The following MPDZ variants were observed in gnomAD, a reference collection of about 807,000 sequenced individuals.
MPDZ encodes multiple PDZ domain crumbs cell polarity complex component.
In MPDZ, 234 loss-of-function variants were observed where a neutral mutation model predicts 239.1. That is an observed-to-expected ratio of 0.98 (90% CI 0.88 to 1.09). The LOEUF (loss-of-function observed/expected upper bound fraction) is 1.09, where lower values mean the gene tolerates loss of function less well. MPDZ is among the 50% of genes least tolerant of loss of function. The pLI is 0.00. For missense variants in MPDZ, 3,175 were observed against 2,510.0 expected (o/e 1.26, Z -5.66); for synonymous variants, 1,048 against 881.3 (o/e 1.19, Z -3.35).
At position 13,222,316 on chromosome 9, in the gene MPDZ, T is replaced by C. The variant is rs768409711; in HGVS notation, c.664A>G (p.Arg222Gly). ...CTGACAAGCTGAGGCAATGAGCCTCTGGCAATAACTAGCTGGACAGTATCT... is the reference window on the plus strand; with the variant it reads ...CTGACAAGCTGAGGCAATGAGCCTCCGGCAATAACTAGCTGGACAGTATCT... ...AKDTVQLVIA[R>G]GSLPQLVSPI... Residue 222 changes from arginine (R) to glycine (G), a missense_variant, in exon 6 of 47, where the codon AGA becomes GGA. Transcript: ENST00000319217. 10 of 1,612,936 alleles carry C rather than the reference T, an allele frequency of 6.2e-6. No homozygotes were observed. The highest frequency in any genetic ancestry group is 1.7e-5 in the Admixed American group (1 of 59,854).
intron 34 of MPDZ, among the ~76,000 whole-genome samples, chr9:13,125,693 T>C (rs944619550): frequency 1.3e-5 from 2 of 152,212 alleles, no homozygotes; most frequent in African/African-American, 2.4e-5. Flanking sequence ...TCCGTTTTTC[T>C]GAATGCCTAC....
chr9:13,189,242 T>C (rs758065870), intron 16 of MPDZ, among the ~76,000 whole-genome samples: 3 of 152,146 alleles, frequency 2.0e-5, no homozygotes, highest in Non-Finnish European at 4.4e-5. Flanking sequence ...ACCTCTTAAA[T>C]TGTACAGATA....
At position 13,176,140 on chromosome 9, in the gene MPDZ, C is replaced by G. The variant is rs769593759; in HGVS notation, c.2927G>C (p.Gly976Ala). The G allele has an allele frequency of 4.2e-5, 66 of 1,587,876 alleles. 1 individual carries two copies. The highest frequency in any genetic ancestry group is 5.3e-5 in the Non-Finnish European group (62 of 1,165,626). The change falls in exon 20 of 47, where the codon GGA becomes GCA. Residue 976 changes from glycine to alanine, a missense_variant. Gly to Ala is a moderately conservative substitution (Grantham distance 60, BLOSUM62 0). Transcript: ENST00000319217. ...ACCATATCTTTAAAATATTACCTTTCCAGCTGAATCGGGTAGCACAGAAGG... is the reference window on the plus strand; with the variant it reads ...ACCATATCTTTAAAATATTACCTTTGCAGCTGAATCGGGTAGCACAGAAGG... The part of the protein sequence containing the change: ...ELPSVLPDSA[G>A]KGSEYLLEQS...
At chr9:13,195,032 A>C (rs1564003965) in intron 13 of MPDZ, among the ~76,000 whole-genome samples, 2 of 152,184 alleles carry the variant, frequency 1.3e-5, no homozygotes, top group Non-Finnish European at 2.9e-5. Flanking sequence ...GCATGCCTGT[A>C]ATCCCAGCAA....
At chr9:13,154,879 G>A (rs1421214962) in intron 24 of MPDZ, among the ~76,000 whole-genome samples, 1 of 152,110 alleles carries the variant, frequency 6.6e-6, no homozygotes, top group Non-Finnish European at 1.5e-5. Context: ...GTGGTAACAA[G>A]AATGTGGGGA....
Position 13,125,299 on chromosome 9 carries a change from C to A in MPDZ, c.4724G>T (p.Gly1575Val). 8.1e-6 allele frequency: 13 copies of A among 1,613,786 alleles called. No individual in the cohort carries two copies. Among genetic ancestry groups the A allele is most frequent in the Non-Finnish European group, 1.1e-5 (13 of 1,179,718 alleles). ...PDSQAVPSAA[G>V]AASGEKKNSS... ...GTTCTTTTTTTCTCCACTGGCTGCA[C>A]CAGCTGCTGAAGGAACAGCCTGGGA... Residue 1575 changes from glycine to valine, a missense_variant, in exon 35 of 47, where the codon GGT becomes GTT. Physicochemically the swap from Gly to Val is moderately radical, Grantham distance 109. Coordinates refer to ENST00000319217, the MANE Select transcript of MPDZ (RefSeq NM_001378778.1).
chr9:13,202,675 G>C (rs1182165316), intron 12 of MPDZ, among the ~76,000 whole-genome samples: 1 of 152,196 alleles, frequency 6.6e-6, no homozygotes, highest in Non-Finnish European at 1.5e-5. Flanking sequence ...CCAGTGGAGA[G>C]AATGAATGTC....
intron 1 of MPDZ, among the ~76,000 whole-genome samples, chr9:13,250,715 G>A (rs182600024): frequency 1.3e-5 from 2 of 151,934 alleles, no homozygotes; most frequent in East Asian, 3.9e-4. Flanking sequence ...CACAGAATAA[G>A]GAGCTTACTT....
intron 3 of MPDZ, among the ~76,000 whole-genome samples, chr9:13,236,267 A>ATATATATATATATAT (rs1963997255): frequency 5.0e-5 from 1 of 20,094 alleles, no homozygotes; most frequent in African/African-American, 1.8e-4. Context: ...ATATATATAT[A>ATATATATATATATAT]TTTTTTTTTT....
At position 13,183,529 on chromosome 9, in the gene MPDZ, A is replaced by C; in HGVS notation, c.2538T>G (p.Ser846=). 6.2e-7 allele frequency: 1 copy of C among 1,612,650 alleles called. No homozygotes were observed. Among genetic ancestry groups the C allele is most frequent in the Non-Finnish European group, 8.5e-7 (1 of 1,179,114 alleles). Residue 846 remains serine (S), a synonymous_variant, in exon 19 of 47, where the codon TCT becomes TCG. Coordinates refer to ENST00000319217, the MANE Select transcript of MPDZ (RefSeq NM_001378778.1). Reference sequence around the variant, plus strand: ...TAGAGTAGATGCTGTCATTTTCAGGAGAGTATGGAGACTCAAATGTGGATT... The same window carrying C: ...TAGAGTAGATGCTGTCATTTTCAGGCGAGTATGGAGACTCAAATGTGGATT... The part of the protein sequence containing the change: ...VDESTFESPY[S]PENDSIYSTQ...
At chr9:13,236,438 C>T (rs942548435) in intron 3 of MPDZ, among the ~76,000 whole-genome samples, 3 of 149,942 alleles carry the variant, frequency 2.0e-5, no homozygotes, top group African/African-American at 7.4e-5. Flanking sequence ...ATGTACCACC[C>T]ACCTGGCTAA....
Position 13,150,516 on chromosome 9 carries a change from C to A in MPDZ, c.3625G>T (p.Val1209Leu), listed in dbSNP as rs777942523. The change falls in exon 25 of 47, where the codon GTA (valine) becomes TTA (leucine). Residue 1209 changes from valine (V) to leucine (L), a missense_variant. Coordinates refer to ENST00000319217, the MANE Select transcript of MPDZ (RefSeq NM_001378778.1). The part of the protein sequence containing the change: ...NGTLKPGDRI[V>L]EVDGMDLRDA... The stretch of plus-strand genomic sequence containing the variant: ...GAAAGCTCACTAGAGGGTACCTCTA[C>A]GATTCTATCTCCAGGTTTCAAGGTT... 6.4e-7 allele frequency: 1 copy of A among 1,557,756 alleles called. No homozygotes were observed. The highest frequency in any genetic ancestry group is 8.7e-7 in the Non-Finnish European group (1 of 1,149,952).
intron 22 of MPDZ, among the ~76,000 whole-genome samples, chr9:13,164,107 C>T (rs1221608206): frequency 6.6e-6 from 1 of 152,176 alleles, no homozygotes; most frequent in African/African-American, 2.4e-5. Flanking sequence ...ATCAGCTCTC[C>T]TGGTCATACT....
chr9:13,211,812 GTA>G (rs1957653518), intron 10 of MPDZ, among the ~76,000 whole-genome samples: 1 of 152,016 alleles, frequency 6.6e-6, no homozygotes, highest in Non-Finnish European at 1.5e-5. Flanking sequence ...TGCTATTTAA[GTA>G]TAAATACATA....
chr9:13,107,215 C>T, intron 46 of MPDZ, 104 bp from the exon 47 acceptor site: 1 of 1,231,624 alleles, frequency 8.1e-7, no homozygotes, highest in Non-Finnish European at 1.1e-6. Context: ...TGCTTGTACA[C>T]ACACACTGCT....
In MPDZ at chr9:13,279,390, C is replaced by A. The variant is rs1453903035; in HGVS notation, c.-58+10G>T. On this transcript the variant is annotated intron_variant, in intron 1 of 46. Coordinates refer to ENST00000319217, the MANE Select transcript of MPDZ (RefSeq NM_001378778.1). ...CTCGGCCTCTGGGCCGGGGCTCAAG[C>A]GCCGCTTACCCGGCTCGCGGCGCCC... The A allele has an allele frequency of 6.8e-6, 1 of 146,264 alleles. No individual in the cohort carries two copies. The allele number at this position is 146,264 out of a possible 1,614,324, so 9.1% of individuals were successfully genotyped here. A position where few individuals can be genotyped will look rare whatever the true frequency, so the allele number is the denominator to read the frequency against.
At position 13,158,102 on chromosome 9, in the gene MPDZ, G is replaced by A; in HGVS notation, c.3368C>T (p.Pro1123Leu). The change falls in exon 24 of 47, where the codon CCA (proline) becomes CTA (leucine). Residue 1123 changes from proline (P) to leucine (L), a missense_variant. Coordinates refer to ENST00000319217, the MANE Select transcript of MPDZ (RefSeq NM_001378778.1). ...IFSSYTGRDIPELPEREEGEG... is the reference protein window; with the variant it reads ...IFSSYTGRDILELPEREEGEG... ...TCCCTCTTCTCGCTCTGGTAATTCT[G>A]GAATGTCTCTGGTTAAAGAATTACA... 1 of 1,612,172 alleles carries A rather than the reference G, an allele frequency of 6.2e-7. No individual in the cohort carries two copies. The highest frequency in any genetic ancestry group is 8.5e-7 in the Non-Finnish European group (1 of 1,178,872).
At chr9:13,240,915 A>G (rs567222045) in intron 3 of MPDZ, among the ~76,000 whole-genome samples, 1 of 152,208 alleles carries the variant, frequency 6.6e-6, no homozygotes, top group Admixed American at 6.5e-5. Context: ...CTTCTCCTCC[A>G]AAGACCATTT....
intron 39 of MPDZ, among the ~76,000 whole-genome samples, chr9:13,119,126 T>A (rs777409706): frequency 3.9e-5 from 6 of 152,222 alleles, no homozygotes; most frequent in Non-Finnish European, 8.8e-5. Context: ...TTATTTATTT[T>A]TTTGAGACAG....
Sources: gnomAD v4.1 joint callset for allele counts (sites outside exome capture counted in the v4.1 genomes callset) on GRCh38, gnomAD v4.1.1 for gene constraint, MANE v1.5 for transcripts, NCBI Gene and HGNC (gene_info 2026-07-23, HGNC 2026-07-21) for gene names.